Variants in ANO3 observed in about 807,000 individuals in gnomAD.
ANO3 encodes anoctamin-3.
In ANO3, 99 loss-of-function variants were observed where a neutral mutation model predicts 144.8. The ratio of observed to expected loss-of-function variants is 0.68; its 90% CI spans 0.58 to 0.81. ANO3 has a LOEUF of 0.81. Among genes scored for constraint, ANO3 ranks in the 30% least tolerant of loss-of-function variants. The pLI is 0.00. For synonymous variants in ANO3, 414 were observed against 392.6 expected, an observed-to-expected ratio of 1.05 and a Z score of -0.64; for missense variants, 905 against 1,202.2, an observed-to-expected ratio of 0.75 and a Z score of 3.66.
intron 14 of ANO3, among the ~76,000 whole-genome samples, chr11:26,566,083 G>A (rs527913361): frequency 8.6e-5 from 13 of 151,834 alleles, no homozygotes; most frequent in Non-Finnish European, 1.5e-4. Flanking sequence ...TGCTTTCCAC[G>A]TAATCTTTCT....
intron 1 of ANO3, among the ~76,000 whole-genome samples, chr11:26,254,870 G>A (rs943533501): frequency 6.6e-6 from 1 of 152,122 alleles, no homozygotes; most frequent in South Asian, 2.1e-4. Context: ...CACTCTTACA[G>A]TGTATTATCT....
chr11:26,647,493 A>G (rs765869647), intron 23 of ANO3, among the ~76,000 whole-genome samples: 1 of 152,158 alleles, frequency 6.6e-6, no homozygotes, highest in East Asian at 1.9e-4. Flanking sequence ...TGGCATTTCA[A>G]TTTTTGAATC....
At chr11:26,507,128 T>A (rs1374318145) in intron 4 of ANO3, among the ~76,000 whole-genome samples, 4 of 152,226 alleles carry the variant, frequency 2.6e-5, no homozygotes, top group Admixed American at 6.5e-5. Context: ...TCCTGGCTCC[T>A]CATTGATCTT....
intron 1 of ANO3, among the ~76,000 whole-genome samples, chr11:26,352,401 T>C (rs1369965346): frequency 6.6e-6 from 1 of 152,174 alleles, no homozygotes; most frequent in Admixed American, 6.5e-5. Context: ...TATTTTATTT[T>C]GTAGGGTCTA....
intron 1 of ANO3, among the ~76,000 whole-genome samples, chr11:26,430,613 C>T (rs1259051478): frequency 6.6e-6 from 1 of 151,090 alleles, no homozygotes; most frequent in African/African-American, 2.4e-5. Context: ...AAACAAATAC[C>T]AAGAAAGAAG....
At chr11:26,313,781 T>C (rs1854558883) in intron 1 of ANO3, among the ~76,000 whole-genome samples, 1 of 151,642 alleles carries the variant, frequency 6.6e-6, no homozygotes, top group Non-Finnish European at 1.5e-5. Context: ...GTTACTGAAT[T>C]AGAAAACAAT....
chr11:26,329,510 C>T (rs1054652616), upstream of ANO3, among the ~76,000 whole-genome samples: 3 of 152,142 alleles, frequency 2.0e-5, no homozygotes, highest in Non-Finnish European at 4.4e-5. Context: ...GGCAGTCCAA[C>T]CTAAAATGTT....
intron 1 of ANO3, among the ~76,000 whole-genome samples, chr11:26,221,580 T>C (rs929734939): frequency 2.0e-5 from 3 of 152,336 alleles, no homozygotes; most frequent in Admixed American, 6.5e-5. Context: ...TATAAAGAAA[T>C]AGCTAACACT....
chr11:26,441,165 T>C (rs1287104752), intron 1 of ANO3, among the ~76,000 whole-genome samples: 2 of 125,780 alleles, frequency 1.6e-5, no homozygotes, highest in East Asian at 2.7e-4. Flanking sequence ...TCGCCCAGGC[T>C]GGAGTGCAGT....
rs114097894 is a variant in ANO3, at chr11:26,627,784, A to G, written c.1873+3286A>G. ...TATATTAGTTTAAATGGATAAAAAT[A>G]TTGATAGTTTGATTAAAATAATAGA... On this transcript the variant is annotated intron_variant, in intron 18 of 26. Coordinates refer to ENST00000256737, the MANE Select transcript of ANO3 (RefSeq NM_031418.4). 7.8e-3 allele frequency among the ~76,000 whole-genome samples: 1,176 copies of G among 151,030 alleles called. 31 individuals carry two copies. Among genetic ancestry groups the G allele is most frequent in the African/African-American group, 0.028 (1,146 of 41,094 alleles).
chr11:26,271,430 CA>C (rs1163892628), intron 1 of ANO3, among the ~76,000 whole-genome samples: 1 of 151,792 alleles, frequency 6.6e-6, no homozygotes, highest in Admixed American at 6.6e-5. Context: ...AAATCATAGC[CA>C]AAAAGATATT....
At chr11:26,194,593 C>T (rs1198340797) in intron 1 of ANO3, among the ~76,000 whole-genome samples, 1 of 151,682 alleles carries the variant, frequency 6.6e-6, no homozygotes, top group Non-Finnish European at 1.5e-5. Context: ...CTCTGCCTCC[C>T]GGGTGCAAGG....
At chr11:26,469,405 A>G (rs148962303) in intron 4 of ANO3, among the ~76,000 whole-genome samples, 4 of 152,108 alleles carry the variant, frequency 2.6e-5, no homozygotes, top group African/African-American at 9.6e-5. Context: ...ATAAATATTA[A>G]TCATTTAAAA....
intron 17 of ANO3, among the ~76,000 whole-genome samples, chr11:26,605,190 G>A (rs568698138): frequency 5.9e-5 from 9 of 152,026 alleles, no homozygotes; most frequent in South Asian, 2.1e-4. Context: ...AATTTTTGTC[G>A]TTGGTTCTGT....
At chr11:26,196,698 C>T (rs1851596364) in intron 1 of ANO3, among the ~76,000 whole-genome samples, 1 of 151,916 alleles carries the variant, frequency 6.6e-6, no homozygotes, top group South Asian at 2.1e-4. Flanking sequence ...TATATGTATA[C>T]TTCATAAGAT....
chr11:26,466,834 A>G (rs974552793), intron 4 of ANO3, among the ~76,000 whole-genome samples: 2 of 151,948 alleles, frequency 1.3e-5, no homozygotes, highest in Admixed American at 6.6e-5. Context: ...ACATTGGCTA[A>G]TACCAATGAT....
intron 9 of ANO3, 78 bp from the exon 10 acceptor site, chr11:26,537,328 C>G (rs1849535550): frequency 8.9e-7 from 1 of 1,123,606 alleles, no homozygotes; most frequent in Middle Eastern, 2.0e-4. Flanking sequence ...ATTCATTGTT[C>G]CCCGTATATT....
intron 1 of ANO3, among the ~76,000 whole-genome samples, chr11:26,334,411 AG>A (rs1413490770): frequency 2.0e-5 from 3 of 152,216 alleles, no homozygotes; most frequent in Non-Finnish European, 4.4e-5. Context: ...CTGTCCTAGG[AG>A]GTATGCAACA....
intron 4 of ANO3, among the ~76,000 whole-genome samples, chr11:26,484,577 A>G (rs1225741368): frequency 6.6e-6 from 1 of 152,174 alleles, no homozygotes; most frequent in African/African-American, 2.4e-5. Flanking sequence ...GCTTTCTACT[A>G]GGGCTGTGGA....
Sources: allele counts gnomAD v4.1 joint callset (sites outside exome capture counted in the v4.1 genomes callset), GRCh38; gene constraint gnomAD v4.1.1; transcripts MANE v1.5; gene names NCBI Gene and HGNC (gene_info 2026-07-23, HGNC 2026-07-21).